Variants in SLC5A4 observed in about 807,000 individuals in gnomAD.
SLC5A4 encodes probable glucose sensor protein SLC5A4.
In SLC5A4, 55 loss-of-function variants were observed where a neutral mutation model predicts 70.3. The observed-to-expected ratio is 0.78, with a 90% CI of 0.63 to 0.98. The LOEUF (loss-of-function observed/expected upper bound fraction) is 0.98, where lower values mean the gene tolerates loss of function less well. SLC5A4 is among the 50% of genes least tolerant of loss of function. The probability of loss-of-function intolerance (pLI) is 0.00; values close to 1 mark genes in which losing one functional copy is unlikely to be tolerated. For missense variants in SLC5A4, 735 were observed against 839.2 expected (o/e 0.88, Z 1.53); for synonymous variants, 268 against 305.7 (o/e 0.88, Z 1.29).
At chr22:32,268,816 C>A in the SLC5A4 span, among the ~76,000 whole-genome samples, 1 of 152,136 alleles carries the variant, frequency 6.6e-6, no homozygotes, top group Non-Finnish European at 1.5e-5. Context: ...GGCTGCAGAG[C>A]CCTTAAATGT....
At chr22:32,270,187 C>T in the SLC5A4 span, 5 of 664,468 alleles carry the variant, frequency 7.5e-6, no homozygotes, top group East Asian at 1.2e-4. Context: ...CAGCTGGCCA[C>T]CTACCTTTGA....
chr22:32,241,978 T>C (rs748193752), intron 5 of SLC5A4, among the ~76,000 whole-genome samples: 17 of 152,014 alleles, frequency 1.1e-4, no homozygotes, highest in Non-Finnish European at 2.2e-4. Context: ...TAAAATACTC[T>C]ATAGAGCTGG....
intron 5 of SLC5A4, among the ~76,000 whole-genome samples, chr22:32,239,421 A>C (rs1467155569): frequency 6.8e-6 from 1 of 146,534 alleles, no homozygotes; most frequent in Non-Finnish European, 1.5e-5. Flanking sequence ...CTTGACTGTG[A>C]TGGAGTATTT....
At chr22:32,338,209 A>C in the SLC5A4 span, among the ~76,000 whole-genome samples, 1 of 152,238 alleles carries the variant, frequency 6.6e-6, no homozygotes, top group Non-Finnish European at 1.5e-5. Context: ...AAGAACACCA[A>C]GGAACTGAAA....
chr22:32,224,325 C>A lies in SLC5A4; in HGVS notation c.1607G>T (p.Gly536Val), dbSNP rs1424308462. 1.2e-6 allele frequency: 2 copies of A among 1,613,872 alleles called. No homozygotes were observed. Among genetic ancestry groups the A allele is most frequent in the South Asian group, 1.1e-5 (1 of 91,058 alleles). Residue 536 changes from glycine to valine, a missense_variant, in exon 13 of 15, where the codon GGG (glycine) becomes GTG (valine). Coordinates refer to ENST00000266086, the MANE Select transcript of SLC5A4 (RefSeq NM_014227.3). ...AATTCCCAGGGTGACCAGCATGGAC[C>A]CAAAAAAGAGAACGATGGAAAAGTA... is the stretch of plus-strand genomic sequence containing the variant. ...YLYFSIVLFF[G>V]SMLVTLGISL...
chr22:32,318,226 T>C, the SLC5A4 span, among the ~76,000 whole-genome samples: 1 of 150,388 alleles, frequency 6.6e-6, no homozygotes, highest in African/African-American at 2.5e-5. Context: ...AAACAGCATA[T>C]GTTGATTTTT....
In SLC5A4 at chr22:32,229,255, T is replaced by C. The variant is rs1327638783; in HGVS notation, c.1219A>G (p.Ile407Val). The change falls in exon 11 of 15, where the codon ATT becomes GTT. Residue 407 changes from isoleucine (I) to valine (V), a missense_variant. Ile to Val is a conservative substitution (Grantham distance 29). Transcript: ENST00000266086. ...TTCCGCATCTTGGTGTAGAGGTCAA[T>C]GGTGAAGAGGGTGCTGGCGCTGTTG... Reference protein sequence around the residue: ...IFNSASTLFTIDLYTKMRKQA... With the variant: ...IFNSASTLFTVDLYTKMRKQA... 1 of 1,614,126 alleles carries C rather than the reference T, an allele frequency of 6.2e-7. No homozygotes were observed. The highest frequency in any genetic ancestry group is 1.1e-5 in the South Asian group (1 of 91,072).
At chr22:32,313,995 G>T in the SLC5A4 span, among the ~76,000 whole-genome samples, 1 of 152,198 alleles carries the variant, frequency 6.6e-6, no homozygotes, top group Non-Finnish European at 1.5e-5. Flanking sequence ...GTTCTTAACT[G>T]ATAAACCATC....
At chr22:32,302,184 T>G in the SLC5A4 span, among the ~76,000 whole-genome samples, 1 of 151,928 alleles carries the variant, frequency 6.6e-6, no homozygotes, top group Non-Finnish European at 1.5e-5. Flanking sequence ...TAAATGGATA[T>G]CCTCAGTAAA....
chr22:32,311,902 C>G, the SLC5A4 span, among the ~76,000 whole-genome samples: 5 of 152,092 alleles, frequency 3.3e-5, no homozygotes, highest in Non-Finnish European at 5.9e-5. Context: ...GGAGTTGGAG[C>G]CTGGACTTTG....
the SLC5A4 span, among the ~76,000 whole-genome samples, chr22:32,335,430 C>T: frequency 0.036 from 5,553 of 152,258 alleles, 136 homozygotes; most frequent in South Asian, 0.084. Context: ...TTGGCAGGGA[C>T]CTCTTTCCAC....
Position 32,239,552 on chromosome 22 carries a change from A to AT in SLC5A4, c.478-463dup, listed in dbSNP as rs1439299492. Reference sequence around the variant, plus strand: ...TATATATATATATATATATATATATATATATATATATATATATTTATATAT... The same window carrying AT: ...TATATATATATATATATATATATATATTATATATATATATATATTTATATAT... On this transcript the variant is annotated intron_variant, in intron 5 of 14. Coordinates refer to ENST00000266086, the MANE Select transcript of SLC5A4 (RefSeq NM_014227.3). 1.7e-3 allele frequency among the ~76,000 whole-genome samples: 26 copies of AT among 15,152 alleles called. 1 individual carries two copies. Among genetic ancestry groups the AT allele is most frequent in the African/African-American group, 0.015 (26 of 1,680 alleles). The allele number at this position is 15,152 out of a possible 152,430, so 9.9% of individuals were successfully genotyped here. A position where few individuals can be genotyped will look rare whatever the true frequency, so the allele number is the denominator to read the frequency against.
the SLC5A4 span, among the ~76,000 whole-genome samples, chr22:32,297,494 G>C: frequency 1.6e-5 from 2 of 122,568 alleles, no homozygotes; most frequent in African/African-American, 3.1e-5. Context: ...GGGATCGGTG[G>C]TGATATCCCC....
At chr22:32,315,195 G>A in the SLC5A4 span, among the ~76,000 whole-genome samples, 1 of 152,172 alleles carries the variant, frequency 6.6e-6, no homozygotes, top group Non-Finnish European at 1.5e-5. Context: ...TGCCAAGAGT[G>A]CCAGCAATGA....
the SLC5A4 span, among the ~76,000 whole-genome samples, chr22:32,277,591 A>G: frequency 8.5e-5 from 13 of 152,294 alleles, 1 homozygote; most frequent in African/African-American, 2.9e-4. Context: ...TCTGTTGCCC[A>G]GGCTGCAGTG....
intron 7 of SLC5A4, 58 bp downstream of exon 7, chr22:32,237,186 C>A (rs1274528669): frequency 1.3e-5 from 16 of 1,243,818 alleles, no homozygotes; most frequent in Non-Finnish European, 1.9e-5. Context: ...ACAGACCGAA[C>A]AGAAACAAGT....
At chr22:32,231,408 C>T (rs147156935) in intron 9 of SLC5A4, among the ~76,000 whole-genome samples, 17 of 152,330 alleles carry the variant, frequency 1.1e-4, no homozygotes, top group Non-Finnish European at 2.1e-4. Flanking sequence ...CACAGAGCTC[C>T]GGAGACTGAC....
chr22:32,335,065 G>A, the SLC5A4 span, among the ~76,000 whole-genome samples: 1 of 152,212 alleles, frequency 6.6e-6, no homozygotes, highest in Non-Finnish European at 1.5e-5. Flanking sequence ...CTGCCTCCAA[G>A]AGATCACAGG....
At chr22:32,300,731 A>G in the SLC5A4 span, among the ~76,000 whole-genome samples, 30 of 152,156 alleles carry the variant, frequency 2.0e-4, no homozygotes, top group Admixed American at 8.5e-4. Context: ...GCATGTATCA[A>G]TAGTTACTTT....
Sources: allele counts gnomAD v4.1 joint callset (sites outside exome capture counted in the v4.1 genomes callset), GRCh38; gene constraint gnomAD v4.1.1; transcripts MANE v1.5; gene names NCBI Gene and HGNC (gene_info 2026-07-23, HGNC 2026-07-21).